The following MAST4 variants were observed in gnomAD, a reference collection of about 807,000 sequenced individuals.
MAST4 encodes microtubule associated serine/threonine kinase family member 4.
MAST4 carries 89 observed loss-of-function variants against 162.7 expected under a neutral mutation model. The observed-to-expected ratio is 0.55, with a 90% CI of 0.46 to 0.65. The LOEUF (loss-of-function observed/expected upper bound fraction) is 0.65. Among genes scored for constraint, MAST4 ranks in the 30% least tolerant of loss-of-function variants. The pLI is 0.00. For synonymous variants in MAST4, 1,479 were observed against 1,361.1 expected (o/e 1.09, Z -1.91); for missense variants, 3,153 against 3,374.0 (o/e 0.93, Z 1.62).
At chr5:66,621,098 CTG>C (rs1489616504) in intron 1 of MAST4, among the ~76,000 whole-genome samples, 2 of 151,884 alleles carry the variant, frequency 1.3e-5, no homozygotes, top group Non-Finnish European at 2.9e-5. Context: ...TTGAGGATGA[CTG>C]TGTTAATTTT....
At chr5:66,702,406 T>C (rs992711875) in intron 1 of MAST4, among the ~76,000 whole-genome samples, 7 of 152,032 alleles carry the variant, frequency 4.6e-5, no homozygotes, top group African/African-American at 1.7e-4. Flanking sequence ...AACACAGAAA[T>C]AGTTACGTTA....
At chr5:66,967,509 AG>A (rs1353161083) in intron 4 of MAST4, among the ~76,000 whole-genome samples, 3 of 152,138 alleles carry the variant, frequency 2.0e-5, no homozygotes, top group Admixed American at 1.3e-4. Flanking sequence ...CGCAGTATGA[AG>A]GAAAGAATTT....
At chr5:66,812,921 A>T (rs1325879728) in intron 3 of MAST4, among the ~76,000 whole-genome samples, 1 of 152,190 alleles carries the variant, frequency 6.6e-6, no homozygotes, top group Non-Finnish European at 1.5e-5. Flanking sequence ...ATAAAAAGTT[A>T]GTGCTGATAA....
chr5:66,740,209 A>G (rs922164740), intron 1 of MAST4, among the ~76,000 whole-genome samples: 2 of 152,186 alleles, frequency 1.3e-5, no homozygotes, highest in African/African-American at 4.8e-5. Context: ...GGCTGATGTA[A>G]ACTCTTAAAA....
Position 66,740,282 on chromosome 5 carries a change from G to A in MAST4, c.364-19427G>A, listed in dbSNP as rs183318562. ...GTTGTGAGGCAGGAAAGATTAGGAA[G>A]TTGCTGTATGTCTTGGCTCAGAACA... On this transcript the variant is annotated intron_variant, in intron 1 of 28. Transcript: ENST00000403625. Among the ~76,000 whole-genome samples the A allele has an allele frequency of 3.5e-3, 535 of 152,354 alleles. 3 individuals are homozygous for A. The highest frequency in any genetic ancestry group is 0.011 in the South Asian group (51 of 4,828).
chr5:67,153,924 A>G (rs867720631), intron 26 of MAST4, among the ~76,000 whole-genome samples: 1 of 152,230 alleles, frequency 6.6e-6, no homozygotes. Flanking sequence ...GTTTCATTCT[A>G]GTATACTAGA....
At chr5:67,154,931 CT>C (rs1772299931) in intron 26 of MAST4, among the ~76,000 whole-genome samples, 1 of 152,138 alleles carries the variant, frequency 6.6e-6, no homozygotes, top group Non-Finnish European at 1.5e-5. Context: ...TCCTGTGTGC[CT>C]TCATTGGTTT....
intron 3 of MAST4, among the ~76,000 whole-genome samples, chr5:66,869,879 CAA>C (rs1760801574): frequency 6.6e-6 from 1 of 152,166 alleles, no homozygotes; most frequent in Non-Finnish European, 1.5e-5. Context: ...TTGCTTTCAT[CAA>C]CCTTTCCCTG....
intron 4 of MAST4, among the ~76,000 whole-genome samples, chr5:67,045,778 C>T (rs984694293): frequency 6.6e-6 from 1 of 152,090 alleles, no homozygotes; most frequent in Non-Finnish European, 1.5e-5. Flanking sequence ...AGAGGTAGTT[C>T]CTAAATTGTT....
chr5:67,077,284 G>A (rs181114673), intron 5 of MAST4, among the ~76,000 whole-genome samples: 4,561 of 152,010 alleles, frequency 0.03, 155 homozygotes, highest in East Asian at 0.17. Context: ...ACTGATGATT[G>A]CCCTCCACCT....
intron 1 of MAST4, among the ~76,000 whole-genome samples, chr5:66,710,702 C>G (rs183848960): frequency 8.3e-4 from 127 of 152,148 alleles, no homozygotes; most frequent in African/African-American, 2.9e-3. Context: ...CTTGTGGACC[C>G]GCCGTCTGGG....
At chr5:66,633,000 C>A (rs988985729) in intron 1 of MAST4, among the ~76,000 whole-genome samples, 3 of 151,954 alleles carry the variant, frequency 2.0e-5, no homozygotes, top group African/African-American at 7.3e-5. Flanking sequence ...TGTTAATTTT[C>A]TGGTAGTCTA....
intron 3 of MAST4, among the ~76,000 whole-genome samples, chr5:66,865,388 C>T (rs1449326641): frequency 1.3e-5 from 2 of 151,756 alleles, no homozygotes; most frequent in African/African-American, 4.8e-5. Context: ...TGGTTGCATG[C>T]AGGATTACAC....
chr5:66,942,161 G>A lies in MAST4; in HGVS notation c.674+42179G>A, dbSNP rs1232227976. On this transcript the variant is annotated intron_variant, in intron 4 of 28. Transcript: ENST00000403625. The stretch of plus-strand genomic sequence containing the variant: ...TGCTGATAGATTTGCTCTATGCAGG[G>A]TTACCATACATCTTCAATTTGTTAA... Among the ~76,000 whole-genome samples, 4 of 152,182 alleles carry A rather than the reference G, an allele frequency of 2.6e-5. No individual in the cohort carries two copies. The East Asian group carries it at 7.7e-4, about 29-fold the overall frequency.
At chr5:66,924,221 C>T (rs1478311525) in intron 4 of MAST4, among the ~76,000 whole-genome samples, 2 of 152,126 alleles carry the variant, frequency 1.3e-5, no homozygotes, top group Admixed American at 1.3e-4. Context: ...TTTGACCTTT[C>T]TGAACTTCTT....
intron 1 of MAST4, among the ~76,000 whole-genome samples, chr5:66,703,308 G>A (rs1749902357): frequency 6.6e-6 from 1 of 152,178 alleles, no homozygotes; most frequent in African/African-American, 2.4e-5. Context: ...TATGGCATGA[G>A]CAGCCTGAAA....
intron 3 of MAST4, among the ~76,000 whole-genome samples, chr5:66,855,506 G>T (rs936764645): frequency 6.6e-6 from 1 of 152,170 alleles, no homozygotes; most frequent in Non-Finnish European, 1.5e-5. Context: ...CTTCATTTGT[G>T]TTCTCTTGAG....
intron 3 of MAST4, among the ~76,000 whole-genome samples, chr5:66,847,838 A>AAAAAG (rs1554058895): frequency 2.0e-5 from 3 of 150,972 alleles, no homozygotes; most frequent in Non-Finnish European, 4.4e-5. Context: ...AAAAAAAAAA[A>AAAAAG]AAAAAGAAAA....
intron 27 of MAST4, among the ~76,000 whole-genome samples, chr5:67,161,758 TACAC>T (rs1467117625): frequency 2.0e-5 from 3 of 152,226 alleles, no homozygotes; most frequent in African/African-American, 7.2e-5. Context: ...TGATTAAAAT[TACAC>T]ACACATAAGA....
Sources: gnomAD v4.1 joint callset for allele counts (sites outside exome capture counted in the v4.1 genomes callset) on GRCh38, gnomAD v4.1.1 for gene constraint, MANE v1.5 for transcripts, NCBI Gene and HGNC (gene_info 2026-07-23, HGNC 2026-07-21) for gene names.